The following GRM8 variants were observed in gnomAD, a reference collection of about 807,000 sequenced individuals.
GRM8 encodes the protein glutamate metabotropic receptor 8, also known as metabotropic glutamate receptor 8.
GRM8 carries 47 observed loss-of-function variants against 87.2 expected under a neutral mutation model. The observed-to-expected ratio is 0.54, with a 90% CI of 0.43 to 0.69. The LOEUF is 0.69. Among genes scored for constraint, GRM8 ranks in the 30% least tolerant of loss-of-function variants. GRM8 has a pLI of 0.00. For synonymous variants in GRM8, 396 were observed against 404.5 expected, an observed-to-expected ratio of 0.98 and a Z score of 0.25; for missense variants, 1,019 against 1,139.2, an observed-to-expected ratio of 0.89 and a Z score of 1.52.
At chr7:126,892,326 C>T (rs1279231207) in intron 6 of GRM8, among the ~76,000 whole-genome samples, 2 of 151,966 alleles carry the variant, frequency 1.3e-5, no homozygotes, top group African/African-American at 2.4e-5. Context: ...GTGATGTTCC[C>T]CTTCCTGTGT....
chr7:126,578,904 A>G (rs533634219), intron 8 of GRM8, among the ~76,000 whole-genome samples: 1 of 152,154 alleles, frequency 6.6e-6, no homozygotes, highest in African/African-American at 2.4e-5. Flanking sequence ...CATCCATTTG[A>G]AGCAAGGGTG....
At chr7:126,866,328 A>C (rs1237536743) in intron 6 of GRM8, among the ~76,000 whole-genome samples, 2 of 151,514 alleles carry the variant, frequency 1.3e-5, no homozygotes, top group East Asian at 2.0e-4. Flanking sequence ...GCCTTATCAG[A>C]TATGTAATTT....
At chr7:126,656,943 T>C (rs547692551) in intron 7 of GRM8, among the ~76,000 whole-genome samples, 6 of 152,224 alleles carry the variant, frequency 3.9e-5, no homozygotes, top group Non-Finnish European at 8.8e-5. Flanking sequence ...AACAGATTAA[T>C]GCATTAGCAA....
chr7:127,088,159 T>C (rs1437047809), intron 3 of GRM8, among the ~76,000 whole-genome samples: 2 of 152,216 alleles, frequency 1.3e-5, no homozygotes, highest in Non-Finnish European at 2.9e-5. Flanking sequence ...GAGTGACCCA[T>C]TAGTGAGAAG....
At chr7:126,518,338 T>C (rs1812475836) in intron 9 of GRM8, among the ~76,000 whole-genome samples, 1 of 152,062 alleles carries the variant, frequency 6.6e-6, no homozygotes, top group African/African-American at 2.4e-5. Context: ...GAAGTAATGA[T>C]GAGTAGAATG....
intron 7 of GRM8, among the ~76,000 whole-genome samples, chr7:126,659,943 A>T (rs1006962214): frequency 6.6e-6 from 1 of 152,176 alleles, no homozygotes; most frequent in African/African-American, 2.4e-5. Context: ...ACCTCTTTAC[A>T]TTAAATATAT....
At chr7:127,242,225 A>T (rs1433384646) in intron 2 of GRM8, among the ~76,000 whole-genome samples, 1 of 152,238 alleles carries the variant, frequency 6.6e-6, no homozygotes, top group African/African-American at 2.4e-5. Context: ...TCTACACATT[A>T]GTAATAAATA....
At chr7:126,457,347 A>G (rs1803377019) in intron 9 of GRM8, among the ~76,000 whole-genome samples, 1 of 151,552 alleles carries the variant, frequency 6.6e-6, no homozygotes, top group South Asian at 2.1e-4. Flanking sequence ...GATATAATAG[A>G]TAAAAAGAAA....
intron 6 of GRM8, among the ~76,000 whole-genome samples, chr7:126,892,021 TAAAA>T (rs5887316): frequency 2.1e-5 from 2 of 95,072 alleles, no homozygotes; most frequent in Non-Finnish European, 3.9e-5. Flanking sequence ...TCTTGCAGGG[TAAAA>T]AAAAAAAAAA....
At chr7:126,835,355 C>T (rs1042099392) in intron 6 of GRM8, among the ~76,000 whole-genome samples, 1 of 152,158 alleles carries the variant, frequency 6.6e-6, no homozygotes, top group African/African-American at 2.4e-5. Context: ...CTACAGGCCA[C>T]TCTTCTTTAA....
chr7:126,794,453 A>C (rs548887778), intron 6 of GRM8, among the ~76,000 whole-genome samples: 40 of 152,304 alleles, frequency 2.6e-4, no homozygotes, highest in African/African-American at 8.2e-4. Flanking sequence ...TTCAGAAGAT[A>C]AATGTATTTT....
intron 7 of GRM8, among the ~76,000 whole-genome samples, chr7:126,691,691 C>A (rs1808830214): frequency 6.6e-6 from 1 of 152,098 alleles, no homozygotes; most frequent in African/African-American, 2.4e-5. Context: ...TTGGGCCCAC[C>A]TGAAGGCATA....
Position 126,533,690 on chromosome 7 carries a change from C to A in GRM8, c.1692G>T (p.Met564Ile). ...ELCPLDQRPN[M>I]NRTGCQLIPI... is the part of the protein sequence containing the mutation. The stretch of plus-strand genomic sequence containing the variant: ...GGATAAGCTGGCAGCCTGTGCGGTT[C>A]ATGTTGGGTCTCTGATCCAGAGGGC... The change falls in exon 9 of 11, where the codon ATG becomes ATT. Residue 564 changes from methionine to isoleucine, a missense_variant. By Grantham distance (10) the Met-to-Ile change is conservative. Transcript: ENST00000339582. 6.2e-7 allele frequency: 1 copy of A among 1,614,076 alleles called. No individual in the cohort carries two copies. The highest frequency in any genetic ancestry group is 8.5e-7 in the Non-Finnish European group (1 of 1,180,004).
At chr7:127,149,848 G>A (rs1041230522) in intron 2 of GRM8, among the ~76,000 whole-genome samples, 5 of 152,032 alleles carry the variant, frequency 3.3e-5, no homozygotes, top group Admixed American at 6.6e-5. Flanking sequence ...TAAAAAATCA[G>A]AGATAGAGAA....
chr7:126,559,818 C>T (rs1421703216), intron 8 of GRM8, among the ~76,000 whole-genome samples: 1 of 152,100 alleles, frequency 6.6e-6, no homozygotes, highest in Non-Finnish European at 1.5e-5. Flanking sequence ...ATTGTAGGCT[C>T]GATGTAAGAA....
intron 7 of GRM8, among the ~76,000 whole-genome samples, chr7:126,688,112 T>C (rs1808377693): frequency 6.6e-6 from 1 of 152,208 alleles, no homozygotes. Flanking sequence ...TGAATGCCCA[T>C]AAAATTCTCA....
chr7:127,198,247 T>C (rs1795396171), intron 2 of GRM8, among the ~76,000 whole-genome samples: 2 of 152,204 alleles, frequency 1.3e-5, no homozygotes, highest in African/African-American at 4.8e-5. Context: ...TTAAATTACA[T>C]TATTGTAAAC....
intron 8 of GRM8, among the ~76,000 whole-genome samples, chr7:126,555,966 A>G (rs1793091371): frequency 6.6e-6 from 1 of 152,208 alleles, no homozygotes; most frequent in African/African-American, 2.4e-5. Flanking sequence ...CTATCTCTAC[A>G]AAGCACCAAA....
intron 7 of GRM8, among the ~76,000 whole-genome samples, chr7:126,765,289 T>C (rs1470790211): frequency 4.6e-5 from 7 of 152,090 alleles, no homozygotes; most frequent in African/African-American, 9.7e-5. Context: ...TATAGGTTTT[T>C]ATTTCTTAGG....
Sources: gnomAD v4.1 joint callset for allele counts (sites outside exome capture counted in the v4.1 genomes callset) on GRCh38, gnomAD v4.1.1 for gene constraint, MANE v1.5 for transcripts, NCBI Gene and HGNC (gene_info 2026-07-23, HGNC 2026-07-21) for gene names.